Variants in QKI observed in about 807,000 individuals in gnomAD.
QKI encodes the protein QKI, KH domain containing RNA binding.
Under a neutral mutation model 39.0 loss-of-function variants are expected in QKI, and 10 were observed. The observed-to-expected ratio is 0.26, with a 90% confidence interval of 0.16 to 0.43. The LOEUF is 0.43. Ranked by LOEUF, QKI falls within the 20% of genes least tolerant of loss-of-function variation. QKI has a pLI of 1.00. For synonymous variants in QKI, 204 were observed against 155.4 expected, an observed-to-expected ratio of 1.31 and a Z score of -2.33; for missense variants, 218 against 428.0, an observed-to-expected ratio of 0.51 and a Z score of 4.33.
chr6:163,458,873 G>A (rs1472209591), intron 2 of QKI, among the ~76,000 whole-genome samples: 11 of 151,876 alleles, frequency 7.2e-5, no homozygotes, highest in Admixed American at 6.6e-4. Flanking sequence ...TAATTCTTTT[G>A]AAAAAAACTC....
intron 4 of QKI, among the ~76,000 whole-genome samples, chr6:163,545,719 C>A (rs1781821816): frequency 1.3e-5 from 2 of 151,992 alleles, no homozygotes; most frequent in African/African-American, 4.8e-5. Flanking sequence ...CTTCTTTCAA[C>A]ACAAGGTTTT....
intron 6 of QKI, chr6:163,564,432 G>A (rs1208647237): frequency 5.0e-6 from 7 of 1,394,736 alleles, no homozygotes; most frequent in African/African-American, 2.9e-5. Context: ...AGGCATGACT[G>A]TAGTTGTATT....
At chr6:163,521,026 C>T (rs950637614) in intron 3 of QKI, among the ~76,000 whole-genome samples, 3 of 152,026 alleles carry the variant, frequency 2.0e-5, no homozygotes, top group African/African-American at 4.8e-5. Flanking sequence ...TAAAATTACC[C>T]TTGGTTTTTT....
intron 5 of QKI, among the ~76,000 whole-genome samples, chr6:163,562,382 C>G (rs1030351976): frequency 1.3e-5 from 2 of 152,138 alleles, no homozygotes; most frequent in African/African-American, 4.8e-5. Context: ...GGGCTTGCAG[C>G]TTATCTTGTT....
At chr6:163,540,746 AT>A (rs1295343745) in intron 4 of QKI, among the ~76,000 whole-genome samples, 6 of 152,076 alleles carry the variant, frequency 3.9e-5, no homozygotes, top group African/African-American at 1.4e-4. Context: ...TGTTTCTTTG[AT>A]TTTGATGATC....
At chr6:163,541,788 T>C (rs1337899243) in intron 4 of QKI, among the ~76,000 whole-genome samples, 1 of 151,998 alleles carries the variant, frequency 6.6e-6, no homozygotes, top group Non-Finnish European at 1.5e-5. Context: ...TCTTTATTTT[T>C]TTCTCCCCAA....
At chr6:163,431,692 AT>A (rs1788841720) in intron 1 of QKI, among the ~76,000 whole-genome samples, 1 of 151,920 alleles carries the variant, frequency 6.6e-6, no homozygotes, top group Non-Finnish European at 1.5e-5. Flanking sequence ...ATCTCCCCTC[AT>A]TCAGTTATAT....
chr6:163,458,795 A>G (rs965972214), intron 2 of QKI, among the ~76,000 whole-genome samples: 1 of 152,180 alleles, frequency 6.6e-6, no homozygotes, highest in Non-Finnish European at 1.5e-5. Flanking sequence ...CAGAATTAAT[A>G]TTTATTAATA....
chr6:163,472,261 G>GA (rs2128223537), intron 2 of QKI, among the ~76,000 whole-genome samples: 1 of 152,162 alleles, frequency 6.6e-6, no homozygotes, highest in East Asian at 1.9e-4. Flanking sequence ...TCATAAGGAA[G>GA]AAAAAATACG....
intron 3 of QKI, among the ~76,000 whole-genome samples, chr6:163,527,356 T>G (rs920476399): frequency 2.0e-5 from 3 of 152,176 alleles, no homozygotes; most frequent in African/African-American, 7.2e-5. Context: ...AGCTTTAATA[T>G]TTGTCTTAAA....
intron 2 of QKI, among the ~76,000 whole-genome samples, chr6:163,461,813 T>C (rs1244322914): frequency 6.6e-6 from 1 of 152,188 alleles, no homozygotes; most frequent in Non-Finnish European, 1.5e-5. Context: ...AATAACAGAA[T>C]CTTCCTCATC....
intron 2 of QKI, among the ~76,000 whole-genome samples, chr6:163,468,686 A>G (rs1415411497): frequency 2.6e-5 from 4 of 152,164 alleles, no homozygotes; most frequent in Non-Finnish European, 4.4e-5. Context: ...AGGGTTAATG[A>G]ATATCTTTTT....
chr6:163,521,426 C>T (rs527294369), intron 3 of QKI, among the ~76,000 whole-genome samples: 10 of 152,130 alleles, frequency 6.6e-5, no homozygotes, highest in South Asian at 6.2e-4. Context: ...GTGTTTGATT[C>T]GCTCTTATTA....
chr6:163,439,428 C>T (rs1396708548), intron 1 of QKI, among the ~76,000 whole-genome samples: 1 of 146,762 alleles, frequency 6.8e-6, no homozygotes, highest in South Asian at 2.2e-4. Context: ...GCTCAATGCA[C>T]CCTCCGCCTC....
At chr6:163,522,727 C>T (rs1205411453) in intron 3 of QKI, among the ~76,000 whole-genome samples, 1 of 152,160 alleles carries the variant, frequency 6.6e-6, no homozygotes, top group Non-Finnish European at 1.5e-5. Context: ...TTTATGCCAA[C>T]ATAGCTCTTC....
intron 3 of QKI, among the ~76,000 whole-genome samples, chr6:163,486,167 A>T (rs1777664728): frequency 1.3e-5 from 2 of 152,214 alleles, no homozygotes; most frequent in African/African-American, 4.8e-5. Flanking sequence ...GAAGTGTAGT[A>T]ACCCACCCAG....
rs764441206 is a variant in QKI at position 163,563,484 on chromosome 6, G to A, written c.699G>A (p.Ala233=). 51 of 1,613,938 alleles carry A rather than the reference G, an allele frequency of 3.2e-5. No homozygotes were observed. Among genetic ancestry groups the A allele is most frequent in the East Asian group, 1.1e-4 (5 of 44,874 alleles). ...CTCCAAGGATCATTACTGGGCCTGC[G>A]CCGGTTCTCCCACCAGCTGCCCTGC... ...QAAPRIITGP[A]PVLPPAALRT... Residue 233 remains alanine, a synonymous_variant, in exon 6 of 8, where the codon GCG becomes GCA. Transcript: ENST00000361752.
In QKI at chr6:163,440,763, C is replaced by G. The variant is rs561771153; in HGVS notation, c.143-14516C>G. On this transcript the variant is annotated intron_variant, in intron 1 of 7. Coordinates refer to ENST00000361752, the MANE Select transcript of QKI (RefSeq NM_006775.3). ...GGACCATGTCTGTATTTGCACATGA[C>G]TATATTCCTAGGGCCTTGGCCAGTG... 4.6e-5 allele frequency among the ~76,000 whole-genome samples: 7 copies of G among 152,174 alleles called. No homozygotes were observed. The South Asian group carries it at 1.4e-3, about 31-fold the overall frequency.
chr6:163,419,614 A>G (rs1787830718), intron 1 of QKI, among the ~76,000 whole-genome samples: 1 of 152,320 alleles, frequency 6.6e-6, no homozygotes, highest in East Asian at 1.9e-4. Context: ...CAGCAGCTAT[A>G]TATTGGCAGT....
Sources: allele counts gnomAD v4.1 joint callset (sites outside exome capture counted in the v4.1 genomes callset), GRCh38; gene constraint gnomAD v4.1.1; transcripts MANE v1.5; gene names NCBI Gene and HGNC (gene_info 2026-07-23, HGNC 2026-07-21).